The following BTBD9 variants were observed in gnomAD, a reference collection of about 807,000 sequenced individuals.
The protein encoded by BTBD9 is BTB domain containing 9, also known as BTB/POZ domain-containing protein 9.
BTBD9 carries 49 observed loss-of-function variants against 64.3 expected under a neutral mutation model. That is an observed-to-expected ratio of 0.76 (90% CI 0.61 to 0.97). The LOEUF (loss-of-function observed/expected upper bound fraction) is 0.97. Among genes scored for constraint, BTBD9 ranks in the 50% least tolerant of loss-of-function variants. BTBD9 has a pLI of 0.00. For synonymous variants in BTBD9, 260 were observed against 274.7 expected, an observed-to-expected ratio of 0.95 and a Z score of 0.53; for missense variants, 598 against 762.1, an observed-to-expected ratio of 0.78 and a Z score of 2.53.
chr6:38,333,967 T>C (rs1028015299), intron 7 of BTBD9, among the ~76,000 whole-genome samples: 15 of 152,158 alleles, frequency 9.9e-5, no homozygotes, highest in Non-Finnish European at 8.8e-5. Context: ...ACTTGTTAAA[T>C]TGTTGTGACC....
chr6:38,181,370 C>T (rs970689689), intron 10 of BTBD9, among the ~76,000 whole-genome samples: 1 of 152,178 alleles, frequency 6.6e-6, no homozygotes, highest in African/African-American at 2.4e-5. Flanking sequence ...TAGATATCTA[C>T]CTCTTGATGT....
intron 6 of BTBD9, among the ~76,000 whole-genome samples, chr6:38,438,364 C>T (rs956721533): frequency 7.2e-5 from 11 of 152,204 alleles, no homozygotes; most frequent in Admixed American, 2.0e-4. Context: ...GCAGAAAAAC[C>T]GTTGAAGTGG....
intron 1 of BTBD9, among the ~76,000 whole-genome samples, chr6:38,633,678 G>C (rs1385052763): frequency 6.6e-6 from 1 of 152,044 alleles, no homozygotes; most frequent in East Asian, 1.9e-4. Context: ...ACACTTAGCT[G>C]CTTAAGAAGC....
chr6:38,191,817 C>T (rs1762085955), intron 10 of BTBD9, among the ~76,000 whole-genome samples: 2 of 152,130 alleles, frequency 1.3e-5, no homozygotes, highest in African/African-American at 4.8e-5. Context: ...GTGTGTGTTC[C>T]GCTGTGCCGT....
chr6:38,191,729 G>C (rs1233710639), intron 10 of BTBD9, among the ~76,000 whole-genome samples: 1 of 152,242 alleles, frequency 6.6e-6, no homozygotes, highest in Admixed American at 6.5e-5. Context: ...CAGGGAGCGG[G>C]TGGCTGAGAG....
chr6:38,364,207 T>C lies in BTBD9; in HGVS notation c.1155-19114A>G, dbSNP rs75274487. Among the ~76,000 whole-genome samples, 939 of 152,272 alleles carry C rather than the reference T, an allele frequency of 6.2e-3. 12 individuals carry two copies. The highest frequency in any genetic ancestry group is 0.018 in the African/African-American group (764 of 41,546). ...GTGTTTAAATTTGGGGATCATTTTA[T>C]AGGAATGAGCGTCAACTGTCCTTGA... On this transcript the variant is annotated intron_variant, in intron 6 of 10. Coordinates refer to ENST00000481247, the MANE Select transcript of BTBD9 (RefSeq NM_001099272.2).
At chr6:38,607,811 T>C (rs971836423) in intron 1 of BTBD9, among the ~76,000 whole-genome samples, 1 of 152,158 alleles carries the variant, frequency 6.6e-6, no homozygotes, top group African/African-American at 2.4e-5. Flanking sequence ...AAATTATTTT[T>C]ATTTCAGTTC....
At chr6:38,358,545 G>A (rs1232413659) in intron 6 of BTBD9, among the ~76,000 whole-genome samples, 1 of 152,124 alleles carries the variant, frequency 6.6e-6, no homozygotes, top group African/African-American at 2.4e-5. Flanking sequence ...TACCTCATAG[G>A]TATGGGGAGC....
chr6:38,286,145 T>C (rs930217643), intron 8 of BTBD9, among the ~76,000 whole-genome samples: 3 of 152,186 alleles, frequency 2.0e-5, no homozygotes, highest in Non-Finnish European at 2.9e-5. Flanking sequence ...GAGGCTTCTC[T>C]ATCTGTGATT....
At chr6:38,440,316 T>C (rs1377107552) in intron 6 of BTBD9, among the ~76,000 whole-genome samples, 1 of 152,116 alleles carries the variant, frequency 6.6e-6, no homozygotes, top group Non-Finnish European at 1.5e-5. Flanking sequence ...GCCAGTGGGA[T>C]AGGAGGAAAC....
intron 6 of BTBD9, among the ~76,000 whole-genome samples, chr6:38,458,773 A>G (rs927125030): frequency 5.9e-5 from 9 of 152,232 alleles, no homozygotes; most frequent in African/African-American, 1.7e-4. Context: ...GGCAAATGGC[A>G]AAGTACCACT....
At chr6:38,461,978 G>A (rs1441556670) in intron 6 of BTBD9, among the ~76,000 whole-genome samples, 2 of 152,176 alleles carry the variant, frequency 1.3e-5, no homozygotes, top group Non-Finnish European at 2.9e-5. Context: ...CCTTTTGGGT[G>A]AAGTATCAGT....
intron 6 of BTBD9, among the ~76,000 whole-genome samples, chr6:38,551,972 T>C (rs1474926526): frequency 6.6e-6 from 1 of 152,214 alleles, no homozygotes; most frequent in Admixed American, 6.5e-5. Context: ...TTTAAGAGTG[T>C]GGTGGCTGAA....
At chr6:38,589,128 C>T (rs555701069) in intron 4 of BTBD9, among the ~76,000 whole-genome samples, 3 of 152,182 alleles carry the variant, frequency 2.0e-5, no homozygotes, top group Non-Finnish European at 4.4e-5. Context: ...CTTCCTTGAG[C>T]TCCCCCTCAT....
chr6:38,597,979 G>A lies in BTBD9; in HGVS notation c.116C>T (p.Thr39Ile), dbSNP rs1338107485. Residue 39 changes from threonine to isoleucine, a missense_variant, in exon 2 of 11, where the codon ACA becomes ATA. Transcript: ENST00000481247. ...AAAACGTTTCTTTTCCACCACGAAT[G>A]TGACGTCGCCATATTCTTCCCCAAT... ...LLIGEEYGDV[T>I]FVVEKKRFPA... 4 of 1,613,888 alleles carry A rather than the reference G, an allele frequency of 2.5e-6. No homozygotes were observed. In the Admixed American group the frequency reaches 6.7e-5, roughly 27 times the overall value.
intron 9 of BTBD9, among the ~76,000 whole-genome samples, chr6:38,194,667 T>C (rs1162043826): frequency 1.3e-5 from 2 of 151,986 alleles, no homozygotes; most frequent in African/African-American, 2.4e-5. Context: ...CCCTCCAAGA[T>C]GTAGAGGAGG....
chr6:38,197,276 A>G (rs1241098206), intron 9 of BTBD9, among the ~76,000 whole-genome samples: 1 of 152,226 alleles, frequency 6.6e-6, no homozygotes, highest in African/African-American at 2.4e-5. Context: ...AGAGAAGAGA[A>G]GTAATCTGTG....
At chr6:38,625,265 A>T (rs1778128775) in intron 1 of BTBD9, among the ~76,000 whole-genome samples, 1 of 152,246 alleles carries the variant, frequency 6.6e-6, no homozygotes, top group Non-Finnish European at 1.5e-5. Flanking sequence ...TTGTTGCCTT[A>T]GTCAAGATTT....
intron 9 of BTBD9, among the ~76,000 whole-genome samples, chr6:38,229,727 G>T (rs754470775): frequency 6.6e-6 from 1 of 152,182 alleles, no homozygotes; most frequent in African/African-American, 2.4e-5. Context: ...CTCCCATCCT[G>T]TACTTGTAGA....
Sources: allele counts gnomAD v4.1 joint callset (sites outside exome capture counted in the v4.1 genomes callset), GRCh38; gene constraint gnomAD v4.1.1; transcripts MANE v1.5; gene names NCBI Gene and HGNC (gene_info 2026-07-23, HGNC 2026-07-21).